Variants in DYSF observed in about 807,000 individuals in gnomAD.
DYSF encodes the protein dysferlin, also known as dystrophy-associated fer-1-like 1.
A neutral mutation model predicts 274.9 loss-of-function variants in DYSF; 212 were observed. The observed-to-expected ratio is 0.77, with a 90% CI of 0.69 to 0.86. DYSF has a LOEUF of 0.86. DYSF is among the 40% of genes least tolerant of loss of function. The probability of loss-of-function intolerance (pLI) is 0.00; values close to 1 mark genes in which losing one functional copy is unlikely to be tolerated. For missense variants in DYSF, 2,666 were observed against 2,783.2 expected (o/e 0.96, Z 0.95); for synonymous variants, 1,091 against 1,078.7 (o/e 1.01, Z -0.22).
At chr2:71,454,237 T>C in intron 1 of DYSF, 2 of 759,266 alleles carry the variant, frequency 2.6e-6, no homozygotes, top group South Asian at 3.2e-5. Flanking sequence ...GACACAGGTC[T>C]GCAGAGGGCG....
chr2:71,553,750 C>CCCAAAA, intron 20 of DYSF, 57 bp from the exon 21 acceptor site: 1 of 1,011,272 alleles, frequency 9.9e-7, no homozygotes, highest in Non-Finnish European at 1.5e-6. Flanking sequence ...TCTTAGCACC[C>CCCAAAA]CATCCCACCC....
intron 40 of DYSF, among the ~76,000 whole-genome samples, chr2:71,617,697 CGTGTGTGGTAGAGGTGGGGTGT>C (rs1558634581): frequency 2.0e-3 from 20 of 10,098 alleles, no homozygotes; most frequent in African/African-American, 6.1e-3. Flanking sequence ...GGGGTGTGTG[CGTGTGTGGTAGAGGTGGGGTGT>C]GTGTGTGGTA....
At chr2:71,607,930 A>T (rs138087612) in intron 36 of DYSF, among the ~76,000 whole-genome samples, 1 of 152,110 alleles carries the variant, frequency 6.6e-6, no homozygotes, top group Non-Finnish European at 1.5e-5. Flanking sequence ...AGTCTAGGAG[A>T]GGGCTAAGGA....
At position 71,503,198 on chromosome 2, in the gene DYSF, TTCTC is replaced by T. The variant is rs1341015453; in HGVS notation, c.240-11_240-8del. On this transcript the variant is annotated splice_polypyrimidine_tract_variant and intron_variant, in intron 3 of 55. Transcript: ENST00000410020. ...CTTAGGCTAGTTTTCTACATTTGACTTCTCTCTCCTCTCAGGTTCCTGGGGGAAG... is the reference window on the plus strand; with the variant it reads ...CTTAGGCTAGTTTTCTACATTTGACTTCTCCTCTCAGGTTCCTGGGGGAAG... 1 of 1,613,098 alleles carries T rather than the reference TTCTC, an allele frequency of 6.2e-7. No homozygotes were observed. Among genetic ancestry groups the T allele is most frequent in the Admixed American group, 1.7e-5 (1 of 60,012 alleles).
chr2:71,487,059 C>T (rs1431610385), intron 3 of DYSF, among the ~76,000 whole-genome samples: 1 of 152,196 alleles, frequency 6.6e-6, no homozygotes, highest in Non-Finnish European at 1.5e-5. Flanking sequence ...AAGGTCTGTG[C>T]AGCATCACCT....
At chr2:71,514,640 C>G (rs143887592) in intron 7 of DYSF, among the ~76,000 whole-genome samples, 1 of 151,948 alleles carries the variant, frequency 6.6e-6, no homozygotes, top group Non-Finnish European at 1.5e-5. Context: ...ATATTTAACT[C>G]TTTACAACTA....
chr2:71,503,091 G>A (rs2085152166), intron 3 of DYSF, 123 bp from the exon 4 acceptor site: 2 of 867,790 alleles, frequency 2.3e-6, no homozygotes, highest in Non-Finnish European at 3.9e-6. Context: ...CCCTCGTGGG[G>A]TGCTGGGTGA....
intron 46 of DYSF, 54 bp from the exon 47 acceptor site, chr2:71,665,108 A>G (rs2094971648): frequency 1.9e-6 from 3 of 1,610,644 alleles, no homozygotes; most frequent in African/African-American, 2.7e-5. Context: ...ATGCCCCTCT[A>G]CCCTCATGAG....
chr2:71,633,864 T>A (rs1452896781), intron 41 of DYSF, among the ~76,000 whole-genome samples: 1 of 152,220 alleles, frequency 6.6e-6, no homozygotes, highest in East Asian at 1.9e-4. Context: ...TCCTGCTTCC[T>A]GACTTCACAG....
At chr2:71,626,966 A>T (rs577280310) in intron 41 of DYSF, among the ~76,000 whole-genome samples, 1 of 150,996 alleles carries the variant, frequency 6.6e-6, no homozygotes, top group South Asian at 2.1e-4. Context: ...ATTTTTTATG[A>T]TCTCTTAATT....
intron 3 of DYSF, among the ~76,000 whole-genome samples, chr2:71,487,693 G>A (rs972176348): frequency 2.6e-5 from 4 of 152,134 alleles, no homozygotes; most frequent in Non-Finnish European, 5.9e-5. Context: ...GTTTTTAGTA[G>A]AGACAGGGTT....
intron 14 of DYSF, among the ~76,000 whole-genome samples, chr2:71,528,675 G>C (rs942829883): frequency 3.9e-5 from 6 of 152,176 alleles, no homozygotes; most frequent in African/African-American, 1.4e-4. Context: ...GGATAGTAGA[G>C]GAACATTTGG....
chr2:71,578,296 G>T (rs1242896886), intron 30 of DYSF, among the ~76,000 whole-genome samples: 2 of 152,152 alleles, frequency 1.3e-5, no homozygotes, highest in African/African-American at 4.8e-5. Context: ...CCCCCTACTT[G>T]GGTGCCCTTC....
chr2:71,607,659 G>A lies in DYSF; in HGVS notation c.3958-3586G>A, dbSNP rs1238084205. On this transcript the variant is annotated intron_variant, in intron 36 of 55. Transcript: ENST00000410020. ...GAGCAAAGGAGATGGGTGGGCGGGC[G>A]TGAGAGATGTTCAGGAGACAGGATT... Among the ~76,000 whole-genome samples, 2 of 152,164 alleles carry A rather than the reference G, an allele frequency of 1.3e-5. 1 individual carries two copies. The highest frequency in any genetic ancestry group is 4.1e-4 in the South Asian group (2 of 4,828).
rs763181772 is a variant in DYSF, at chr2:71,613,366, G to A, written c.4420G>A (p.Val1474Met). Reference sequence around the variant, plus strand: ...GAGCCTACTCAGTCCTGGGGAAGACGTGCTCATCGACATTGATGACAAGGA... The same window carrying A: ...GAGCCTACTCAGTCCTGGGGAAGACATGCTCATCGACATTGATGACAAGGA... ...DVSLLSPGED[V>M]LIDIDDKEPL... Residue 1474 changes from valine to methionine, a missense_variant, in exon 40 of 56, where the codon GTG becomes ATG. Around this residue, in one of 3 missense-constraint regions of DYSF, gnomAD observed 1,460 missense variants for 1,502.1 expected, o/e 0.97. Coordinates refer to ENST00000410020, the MANE Select transcript of DYSF (RefSeq NM_001130987.2). The A allele has an allele frequency of 6.2e-6, 10 of 1,613,474 alleles. No homozygotes were observed. Among genetic ancestry groups the A allele is most frequent in the South Asian group, 2.2e-5 (2 of 90,844 alleles).
At chr2:71,515,515 G>T in intron 7 of DYSF, 108 bp from the exon 8 acceptor site, 1 of 1,506,784 alleles carries the variant, frequency 6.6e-7, no homozygotes, top group Non-Finnish European at 9.2e-7. Context: ...CTTTCCCCAA[G>T]AAGCCAGTGG....
chr2:71,622,132 T>TTTTTTTTTTTTG (rs1470211204), intron 41 of DYSF, among the ~76,000 whole-genome samples: 5 of 124,920 alleles, frequency 4.0e-5, no homozygotes, highest in African/African-American at 5.7e-5. Flanking sequence ...ATTTCTTTGT[T>TTTTTTTTTTTTG]TTTTTTTTTT....
rs1472041953 is a variant in DYSF, at chr2:71,620,590, C to T, written c.4508C>T (p.Ser1503Phe). 3.2e-6 allele frequency: 5 copies of T among 1,551,452 alleles called. No individual in the cohort carries two copies. The East Asian group carries it at 1.2e-4, about 38-fold the overall frequency. ...LSSLAPTNTA[S>F]PPSSPHEEEF... Reference sequence around the variant, plus strand: ...AGCTTGGCCCCCACTAACACGGCTTCTCCTCCATCCAGTCCTCATGTATGT... The same window carrying T: ...AGCTTGGCCCCCACTAACACGGCTTTTCCTCCATCCAGTCCTCATGTATGT... Residue 1503 changes from serine to phenylalanine, a missense_variant, in exon 41 of 56, where the codon TCT (serine) becomes TTT (phenylalanine). Ser to Phe is a radical substitution (Grantham distance 155). Coordinates refer to ENST00000410020, the MANE Select transcript of DYSF (RefSeq NM_001130987.2).
intron 3 of DYSF, among the ~76,000 whole-genome samples, chr2:71,483,806 G>A (rs2083135910): frequency 6.6e-6 from 1 of 152,050 alleles, no homozygotes; most frequent in Non-Finnish European, 1.5e-5. Flanking sequence ...TTGGAAGGCA[G>A]GTTTTTGGGA....
Sources: allele counts gnomAD v4.1 joint callset (sites outside exome capture counted in the v4.1 genomes callset), GRCh38; gene constraint gnomAD v4.1.1; regional missense constraint gnomAD v4.1.1; transcripts MANE v1.5; gene names NCBI Gene and HGNC (gene_info 2026-07-23, HGNC 2026-07-21).